Variants in ICA1L observed in about 807,000 individuals in gnomAD.
ICA1L encodes islet cell autoantigen 1 like.
In ICA1L, 50 loss-of-function variants were observed where a neutral mutation model predicts 61.3. That is an observed-to-expected ratio of 0.82 (90% CI 0.65 to 1.03). The LOEUF is 1.03. ICA1L is among the 50% of genes least tolerant of loss of function. The probability of loss-of-function intolerance (pLI) is 0.00; values close to 1 mark genes in which losing one functional copy is unlikely to be tolerated. For synonymous variants in ICA1L, 161 were observed against 191.3 expected (o/e 0.84, Z 1.31); for missense variants, 508 against 556.7 (o/e 0.91, Z 0.88).
At chr2:202,838,229 CCA>C (rs1039210809) in intron 1 of ICA1L, among the ~76,000 whole-genome samples, 3 of 152,202 alleles carry the variant, frequency 2.0e-5, no homozygotes, top group African/African-American at 7.2e-5. Context: ...TGTTTAATTT[CCA>C]CATATTTGTG....
intron 9 of ICA1L, among the ~76,000 whole-genome samples, chr2:202,797,865 A>G (rs1692976866): frequency 6.6e-6 from 1 of 152,044 alleles, no homozygotes; most frequent in East Asian, 1.9e-4. Flanking sequence ...AAATACAGTC[A>G]CCACGTTTTA....
At chr2:202,786,746 T>G (rs1332061447) in intron 11 of ICA1L, 2 of 414,342 alleles carry the variant, frequency 4.8e-6, no homozygotes, top group African/African-American at 2.5e-5. Flanking sequence ...AAGAAGTACA[T>G]GCATGATTTT....
At chr2:202,829,224 G>C in intron 1 of ICA1L, 1 of 283,494 alleles carries the variant, frequency 3.5e-6, no homozygotes, top group Non-Finnish European at 6.5e-6. Context: ...GGTGGCGGGC[G>C]CCTGTAGTCC....
intron 9 of ICA1L, among the ~76,000 whole-genome samples, chr2:202,808,532 C>T (rs1693289222): frequency 6.6e-6 from 1 of 152,134 alleles, no homozygotes; most frequent in Non-Finnish European, 1.5e-5. Context: ...GAGTAGCTTG[C>T]CACCCTGAAG....
chr2:202,811,374 G>C (rs532414073), intron 9 of ICA1L, among the ~76,000 whole-genome samples: 1 of 152,084 alleles, frequency 6.6e-6, no homozygotes, highest in Non-Finnish European at 1.5e-5. Flanking sequence ...GTTGATGGAG[G>C]CTGGGCGCGG....
At chr2:202,782,859 G>A (rs1692456967) in intron 12 of ICA1L, among the ~76,000 whole-genome samples, 1 of 151,734 alleles carries the variant, frequency 6.6e-6, no homozygotes, top group Non-Finnish European at 1.5e-5. Flanking sequence ...TTACTTTATA[G>A]TGTCTGTTTT....
intron 1 of ICA1L, among the ~76,000 whole-genome samples, chr2:202,848,310 AT>A (rs1450935935): frequency 1.3e-5 from 2 of 152,190 alleles, no homozygotes; most frequent in East Asian, 3.8e-4. Context: ...AAGTGCCAAC[AT>A]TAGGCCATTT....
rs186760322 is a variant in ICA1L at position 202,814,721 on chromosome 2, G to A, written c.847C>T (p.Leu283Phe). The A allele has an allele frequency of 1.9e-6, 3 of 1,613,530 alleles. No homozygotes were observed. Among genetic ancestry groups the A allele is most frequent in the Non-Finnish European group, 2.5e-6 (3 of 1,179,720 alleles). The change falls in exon 8 of 13, where the codon CTT (leucine) becomes TTT (phenylalanine). Residue 283 changes from leucine (L) to phenylalanine (F), a missense_variant. Leu to Phe is a conservative substitution (Grantham distance 22). Transcript: ENST00000358299. ...DNKDEQIGGF[L>F]TEQLNKLVLS... ...GCTTACTTATTGAGCTGTTCAGTAAGAAAACCGCCTATTTGTTCATCTTTA... is the reference window on the plus strand; with the variant it reads ...GCTTACTTATTGAGCTGTTCAGTAAAAAAACCGCCTATTTGTTCATCTTTA...
intron 1 of ICA1L, among the ~76,000 whole-genome samples, chr2:202,864,299 A>G (rs1687402373): frequency 6.6e-6 from 1 of 151,682 alleles, no homozygotes; most frequent in Admixed American, 6.6e-5. Flanking sequence ...GCTGGAGTGC[A>G]GTGGCGCAAT....
chr2:202,850,314 A>T (rs1322933703), intron 1 of ICA1L, among the ~76,000 whole-genome samples: 7 of 152,214 alleles, frequency 4.6e-5, no homozygotes, highest in Admixed American at 4.6e-4. Flanking sequence ...AGTAGGCTTC[A>T]GAAGGTGGAT....
chr2:202,868,922 C>T (rs1197305648), intron 1 of ICA1L, among the ~76,000 whole-genome samples: 1 of 152,044 alleles, frequency 6.6e-6, no homozygotes, highest in East Asian at 1.9e-4. Context: ...GAGCTGAGAT[C>T]GCGCCACTGC....
intron 5 of ICA1L, among the ~76,000 whole-genome samples, chr2:202,819,145 A>G (rs1693627907): frequency 6.6e-6 from 1 of 152,250 alleles, no homozygotes; most frequent in African/African-American, 2.4e-5. Context: ...GATTTATATT[A>G]TGGGTTCTCT....
intron 6 of ICA1L, 121 bp downstream of exon 6, chr2:202,817,297 A>G (rs1425829737): frequency 2.9e-5 from 27 of 923,966 alleles, no homozygotes; most frequent in Non-Finnish European, 3.5e-5. Flanking sequence ...CATAACCTCA[A>G]TAAAGCAAAG....
Position 202,842,580 on chromosome 2 carries a change from C to T in ICA1L, c.-7-13564G>A, listed in dbSNP as rs948892560. Among the ~76,000 whole-genome samples the T allele has an allele frequency of 1.4e-4, 21 of 152,318 alleles. 1 individual carries two copies. Among genetic ancestry groups the T allele is most frequent in the African/African-American group, 5.1e-4 (21 of 41,572 alleles). On this transcript the variant is annotated intron_variant, in intron 1 of 12. Coordinates refer to ENST00000358299, the MANE Select transcript of ICA1L (RefSeq NM_001288622.3). ...CTTTTCTCTTGCTACTTTCAGGATG[C>T]TCTCTTCATCTTTGATTTTTGACAG...
At chr2:202,814,680 C>T in intron 8 of ICA1L, 22 bp downstream of exon 8, 1 of 1,540,402 alleles carries the variant, frequency 6.5e-7, no homozygotes, top group Non-Finnish European at 9.0e-7. Flanking sequence ...TAACATGACA[C>T]AGATGACTTA....
rs1196134822 is a variant in ICA1L at position 202,778,517 on chromosome 2, AG to A, written c.*1015del. On this transcript the variant is annotated 3_prime_UTR_variant, in exon 13 of 13. Transcript: ENST00000358299. ...ACACAGAGCTTTCTGTATGTCTGCC[AG>A]AAAGTATTCTGGGTTAAATAATTAT... 2 of 152,218 alleles carry A rather than the reference AG, an allele frequency of 1.3e-5. No individual in the cohort carries two copies. The highest frequency in any genetic ancestry group is 4.8e-5 in the African/African-American group (2 of 41,466). 9.4% of individuals were successfully genotyped at this position (152,218 alleles called of 1,614,324 possible).
chr2:202,830,768 A>G (rs1693996201), intron 1 of ICA1L, among the ~76,000 whole-genome samples: 1 of 152,226 alleles, frequency 6.6e-6, no homozygotes, highest in Admixed American at 6.5e-5. Flanking sequence ...AAAGAGCCAG[A>G]AAAACTTTAG....
intron 1 of ICA1L, among the ~76,000 whole-genome samples, chr2:202,857,757 A>G (rs1246546354): frequency 6.6e-6 from 1 of 152,326 alleles, no homozygotes; most frequent in South Asian, 2.1e-4. Flanking sequence ...AGAATCTACA[A>G]GGAACTTAAA....
intron 9 of ICA1L, among the ~76,000 whole-genome samples, chr2:202,801,162 G>A (rs1196954951): frequency 6.6e-6 from 1 of 152,130 alleles, no homozygotes; most frequent in African/African-American, 2.4e-5. Context: ...AAGGTTTCAG[G>A]CTATAGAAAT....
Sources: gnomAD v4.1 joint callset for allele counts (sites outside exome capture counted in the v4.1 genomes callset) on GRCh38, gnomAD v4.1.1 for gene constraint, MANE v1.5 for transcripts, NCBI Gene and HGNC (gene_info 2026-07-23, HGNC 2026-07-21) for gene names.